Variants in CNTN4 observed in about 807,000 individuals in gnomAD.
CNTN4 encodes contactin 4, also known as contactin-4.
Under a neutral mutation model 122.5 loss-of-function variants are expected in CNTN4, and 77 were observed. The ratio of observed to expected loss-of-function variants is 0.63; its 90% CI spans 0.52 to 0.76. The LOEUF (loss-of-function observed/expected upper bound fraction) is 0.76, where lower values mean the gene tolerates loss of function less well. Among genes scored for constraint, CNTN4 ranks in the 30% least tolerant of loss-of-function variants. The pLI is 0.00. For synonymous variants in CNTN4, 512 were observed against 447.0 expected, an observed-to-expected ratio of 1.15 and a Z score of -1.83; for missense variants, 1,256 against 1,259.1, an observed-to-expected ratio of 1.00 and a Z score of 0.04.
intron 4 of CNTN4, among the ~76,000 whole-genome samples, chr3:2,658,451 C>A (rs774005731): frequency 1.3e-4 from 20 of 152,122 alleles, no homozygotes; most frequent in Non-Finnish European, 2.6e-4. Flanking sequence ...AGGCAGGTAC[C>A]ATGGACACTC....
In CNTN4 at chr3:2,400,404, A is replaced by AATATATATATAT. The variant is rs36082705; in HGVS notation, c.-89+61183_-89+61194dup. On this transcript the variant is annotated intron_variant, in intron 3 of 24. Coordinates refer to ENST00000418658, the MANE Select transcript of CNTN4 (RefSeq NM_175607.3). Reference sequence around the variant, plus strand: ...TGTGTGTGGTGTGTGTATGTGTGTGAATATATATATATATATATATATACA... The same window carrying AATATATATATAT: ...TGTGTGTGGTGTGTGTATGTGTGTGAATATATATATATATATATATATATATATATATATACA... Among the ~76,000 whole-genome samples the AATATATATATAT allele has an allele frequency of 1.2e-3, 109 of 91,350 alleles. 1 individual carries two copies. Among genetic ancestry groups the AATATATATATAT allele is most frequent in the African/African-American group, 3.2e-3 (90 of 27,770 alleles). The allele number at this position is 91,350 out of a possible 152,430, so 59.9% of individuals were successfully genotyped here.
At chr3:2,949,925 G>T (rs1210829020) in intron 13 of CNTN4, among the ~76,000 whole-genome samples, 1 of 152,136 alleles carries the variant, frequency 6.6e-6, no homozygotes, top group Non-Finnish European at 1.5e-5. Flanking sequence ...TGGCATTTGG[G>T]TGTTCATCTT....
chr3:2,926,792 C>A (rs554404645), intron 13 of CNTN4, among the ~76,000 whole-genome samples: 40 of 151,876 alleles, frequency 2.6e-4, no homozygotes, highest in African/African-American at 9.7e-4. Context: ...TTTTTTAACA[C>A]TTGCTATGGA....
chr3:2,325,560 C>T (rs1320512649), intron 2 of CNTN4, among the ~76,000 whole-genome samples: 5 of 152,130 alleles, frequency 3.3e-5, no homozygotes, highest in African/African-American at 4.8e-5. Context: ...ATTTCCAGCC[C>T]GGTGAAAGCC....
chr3:2,146,278 T>A (rs1373183439), intron 2 of CNTN4, among the ~76,000 whole-genome samples: 2 of 151,328 alleles, frequency 1.3e-5, no homozygotes, highest in Non-Finnish European at 2.9e-5. Flanking sequence ...TGTTAATATT[T>A]TTTTTTTTAG....
chr3:2,948,929 T>C (rs1464149014), intron 13 of CNTN4, among the ~76,000 whole-genome samples: 2 of 152,136 alleles, frequency 1.3e-5, no homozygotes, highest in Non-Finnish European at 2.9e-5. Flanking sequence ...GATATTGTTT[T>C]GCTCAAAAAT....
intron 7 of CNTN4, among the ~76,000 whole-genome samples, chr3:2,839,351 G>A (rs768862440): frequency 1.3e-5 from 2 of 151,972 alleles, no homozygotes; most frequent in Non-Finnish European, 2.9e-5. Context: ...GATAAAAAGC[G>A]GGGGCAGGAA....
At chr3:3,000,762 A>G (rs1398127615) in intron 14 of CNTN4, among the ~76,000 whole-genome samples, 2 of 152,172 alleles carry the variant, frequency 1.3e-5, no homozygotes, top group African/African-American at 4.8e-5. Flanking sequence ...CTCTGATTTT[A>G]TAGCTTGGAA....
At chr3:2,312,271 T>A (rs1299527808) in intron 2 of CNTN4, among the ~76,000 whole-genome samples, 2 of 152,054 alleles carry the variant, frequency 1.3e-5, no homozygotes, top group African/African-American at 2.4e-5. Context: ...TTAAAACCAG[T>A]TGCTAGGTCT....
At chr3:2,438,779 G>A (rs1032611190) in intron 3 of CNTN4, among the ~76,000 whole-genome samples, 14 of 152,194 alleles carry the variant, frequency 9.2e-5, no homozygotes, top group African/African-American at 3.4e-4. Flanking sequence ...GTGGACCACG[G>A]TCTGGAGTCT....
chr3:2,987,021 A>C (rs1462663754), intron 13 of CNTN4, among the ~76,000 whole-genome samples: 2 of 152,208 alleles, frequency 1.3e-5, no homozygotes, highest in African/African-American at 4.8e-5. Context: ...GTAAACAGTG[A>C]GTTGGGAGAG....
intron 2 of CNTN4, among the ~76,000 whole-genome samples, chr3:2,150,658 T>A (rs922450973): frequency 1.3e-5 from 2 of 152,218 alleles, no homozygotes; most frequent in Admixed American, 1.3e-4. Flanking sequence ...TTGAGGAAAT[T>A]AGTCAACCTA....
At chr3:2,477,407 A>G (rs939533119) in intron 3 of CNTN4, among the ~76,000 whole-genome samples, 4 of 152,184 alleles carry the variant, frequency 2.6e-5, no homozygotes, top group Non-Finnish European at 4.4e-5. Flanking sequence ...CCCATGACAT[A>G]AGCTCTGTGG....
intron 6 of CNTN4, among the ~76,000 whole-genome samples, chr3:2,804,737 C>CTTTAGTTT (rs1553643947): frequency 1.4e-5 from 2 of 144,878 alleles, no homozygotes; most frequent in African/African-American, 2.6e-5. Context: ...ATTTTGAGCA[C>CTTTAGTTT]TTTTTTTTTG....
At chr3:2,486,020 T>G (rs756563888) in intron 3 of CNTN4, among the ~76,000 whole-genome samples, 1 of 152,174 alleles carries the variant, frequency 6.6e-6, no homozygotes, top group Admixed American at 6.5e-5. Flanking sequence ...TGCTGCTCAC[T>G]CTTTGGGTCC....
intron 3 of CNTN4, among the ~76,000 whole-genome samples, chr3:2,502,191 AG>A (rs1276702706): frequency 6.6e-6 from 1 of 152,154 alleles, no homozygotes; most frequent in Non-Finnish European, 1.5e-5. Flanking sequence ...TTGAACATTT[AG>A]TGGGGAGCAT....
intron 2 of CNTN4, among the ~76,000 whole-genome samples, chr3:2,318,314 T>C (rs1039298868): frequency 4.6e-5 from 7 of 152,022 alleles, no homozygotes; most frequent in Non-Finnish European, 1.0e-4. Context: ...TATAATATGC[T>C]AGAAAAACAC....
chr3:2,348,599 AT>A (rs2044492929), intron 3 of CNTN4, among the ~76,000 whole-genome samples: 1 of 152,012 alleles, frequency 6.6e-6, no homozygotes, highest in African/African-American at 2.4e-5. Flanking sequence ...AACTTGATAG[AT>A]TTTTTTAAAT....
intron 3 of CNTN4, among the ~76,000 whole-genome samples, chr3:2,485,619 C>T (rs4561819): frequency 0.12 from 18,674 of 151,756 alleles, 1,510 homozygotes; most frequent in Middle Eastern, 0.19. Flanking sequence ...TCTAGGTAAT[C>T]TGGGGGGGAC....
Sources: allele counts gnomAD v4.1 joint callset (sites outside exome capture counted in the v4.1 genomes callset), GRCh38; gene constraint gnomAD v4.1.1; transcripts MANE v1.5; gene names NCBI Gene and HGNC (gene_info 2026-07-23, HGNC 2026-07-21).